NBEA: variants seen among roughly 807,000 people sequenced by gnomAD.
The protein encoded by NBEA is neurobeachin, also known as lysosomal-trafficking regulator 2.
Under a neutral mutation model 343.4 loss-of-function variants are expected in NBEA, and 44 were observed. The ratio of observed to expected loss-of-function variants is 0.13; its 90% CI spans 0.10 to 0.16. The LOEUF is 0.16. Ranked by LOEUF, NBEA falls within the 10% of genes least tolerant of loss-of-function variation. The pLI is 1.00. For missense variants in NBEA, 2,555 were observed against 3,631.3 expected (o/e 0.70, Z 7.62); for synonymous variants, 1,175 against 1,238.7 (o/e 0.95, Z 1.08).
At chr13:35,308,458 A>ATATATATATATATATG in intron 35 of NBEA, among the ~76,000 whole-genome samples, 1 of 118,440 alleles carries the variant, frequency 8.4e-6, no homozygotes, top group African/African-American at 4.1e-5. Flanking sequence ...ATATATATAT[A>ATATATATATATATATG]TATATATATA....
chr13:35,513,240 G>A (rs1268821913), intron 41 of NBEA, among the ~76,000 whole-genome samples: 4 of 148,068 alleles, frequency 2.7e-5, no homozygotes, highest in Non-Finnish European at 4.4e-5. Flanking sequence ...AGGTTCAAGC[G>A]ATTCTCCTGC....
chr13:34,945,068 G>T (rs1376006627), intron 1 of NBEA, among the ~76,000 whole-genome samples: 1 of 152,184 alleles, frequency 6.6e-6, no homozygotes, highest in African/African-American at 2.4e-5. Context: ...GTATGCAGAC[G>T]TTATTTTAGA....
chr13:35,328,000 T>G (rs1291064903), intron 36 of NBEA, among the ~76,000 whole-genome samples: 2 of 151,944 alleles, frequency 1.3e-5, no homozygotes, highest in Non-Finnish European at 2.9e-5. Context: ...AACATTTTAA[T>G]GCATGGTGAC....
intron 41 of NBEA, among the ~76,000 whole-genome samples, chr13:35,497,441 G>A (rs2076724786): frequency 6.6e-6 from 1 of 152,084 alleles, no homozygotes; most frequent in African/African-American, 2.4e-5. Flanking sequence ...GTAGCAGTAA[G>A]TTAGACTTTC....
chr13:35,553,210 A>G (rs1277020043), intron 43 of NBEA, among the ~76,000 whole-genome samples: 3 of 152,126 alleles, frequency 2.0e-5, no homozygotes, highest in African/African-American at 4.8e-5. Flanking sequence ...ATTCTTTATA[A>G]GAAAACTGAA....
At chr13:35,264,679 C>T (rs540603159) in intron 34 of NBEA, among the ~76,000 whole-genome samples, 5 of 151,968 alleles carry the variant, frequency 3.3e-5, no homozygotes, top group African/African-American at 1.2e-4. Context: ...GAAGAAAAAG[C>T]ATCTGACCAA....
intron 38 of NBEA, among the ~76,000 whole-genome samples, chr13:35,369,355 G>A (rs1039356304): frequency 1.1e-4 from 16 of 151,606 alleles, no homozygotes; most frequent in African/African-American, 3.6e-4. Context: ...TGTAGGATTT[G>A]CTTAATCTAT....
chr13:35,018,120 T>C (rs1382665648), intron 1 of NBEA, among the ~76,000 whole-genome samples: 2 of 152,196 alleles, frequency 1.3e-5, no homozygotes, highest in Admixed American at 6.5e-5. Flanking sequence ...TCTATTCTTA[T>C]GGTAATGACA....
intron 33 of NBEA, among the ~76,000 whole-genome samples, chr13:35,228,441 G>A (rs1269781578): frequency 1.3e-5 from 2 of 150,954 alleles, no homozygotes; most frequent in Non-Finnish European, 2.9e-5. Flanking sequence ...GATATATTGC[G>A]TAGTTGTGAA....
intron 17 of NBEA, among the ~76,000 whole-genome samples, chr13:35,138,459 CTTT>C (rs1230686366): frequency 2.2e-5 from 3 of 136,446 alleles, no homozygotes; most frequent in African/African-American, 2.7e-5. Flanking sequence ...AATTATGCTA[CTTT>C]TTTTTTTTTT....
intron 2 of NBEA, among the ~76,000 whole-genome samples, chr13:35,042,944 C>T (rs1238535670): frequency 6.6e-6 from 1 of 151,686 alleles, no homozygotes; most frequent in African/African-American, 2.4e-5. Context: ...AAAAGTGTCA[C>T]TAAAAGGTGG....
intron 52 of NBEA, among the ~76,000 whole-genome samples, chr13:35,650,876 A>G (rs1203414286): frequency 6.6e-6 from 1 of 152,130 alleles, no homozygotes; most frequent in African/African-American, 2.4e-5. Flanking sequence ...AGTAACCTGA[A>G]TCTTTCTATT....
intron 33 of NBEA, among the ~76,000 whole-genome samples, chr13:35,219,326 A>G (rs952181948): frequency 1.3e-5 from 2 of 152,138 alleles, no homozygotes; most frequent in African/African-American, 4.8e-5. Flanking sequence ...TTAAGTTGAA[A>G]GTTGTACATT....
At chr13:35,450,286 G>A (rs1175002090) in intron 39 of NBEA, among the ~76,000 whole-genome samples, 2 of 144,670 alleles carry the variant, frequency 1.4e-5, no homozygotes, top group African/African-American at 2.6e-5. Flanking sequence ...CCCAGCCTGA[G>A]AATATAGTAA....
chr13:35,006,678 T>C (rs2061329503), intron 1 of NBEA, among the ~76,000 whole-genome samples: 1 of 152,212 alleles, frequency 6.6e-6, no homozygotes, highest in African/African-American at 2.4e-5. Context: ...TCTGCAATTT[T>C]TAAATTTTTC....
In NBEA at chr13:35,209,205, A is replaced by G. The variant is rs114195158; in HGVS notation, c.5521+351A>G. Reference sequence around the variant, plus strand: ...AGTAAAATGTATCAAGAATATCAAGATGTACTAAAAATGTTAGTGACAGAA... The same window carrying G: ...AGTAAAATGTATCAAGAATATCAAGGTGTACTAAAAATGTTAGTGACAGAA... On this transcript the variant is annotated intron_variant, in intron 32 of 58. Coordinates refer to ENST00000379939, the MANE Select transcript of NBEA (RefSeq NM_001385012.1). Among the ~76,000 whole-genome samples, 521 of 152,284 alleles carry G rather than the reference A, an allele frequency of 3.4e-3. 2 individuals are homozygous for G. The highest frequency in any genetic ancestry group is 0.012 in the African/African-American group (480 of 41,570).
intron 45 of NBEA, among the ~76,000 whole-genome samples, chr13:35,579,348 A>G (rs183312898): frequency 6.6e-6 from 1 of 152,206 alleles, no homozygotes; most frequent in Admixed American, 6.5e-5. Context: ...CTGATGTCTC[A>G]TATAATACCA....
chr13:35,422,903 G>A (rs911960016), intron 38 of NBEA, among the ~76,000 whole-genome samples: 6 of 152,214 alleles, frequency 3.9e-5, no homozygotes, highest in African/African-American at 1.2e-4. Flanking sequence ...GGCCAGTGAT[G>A]ATGAGCATTT....
chr13:35,173,946 A>G (rs1267677527), intron 27 of NBEA, among the ~76,000 whole-genome samples: 1 of 152,172 alleles, frequency 6.6e-6, no homozygotes, highest in Non-Finnish European at 1.5e-5. Flanking sequence ...AGTCAACAAA[A>G]ACTCACTGAA....
Sources: allele counts gnomAD v4.1 joint callset (sites outside exome capture counted in the v4.1 genomes callset), GRCh38; gene constraint gnomAD v4.1.1; transcripts MANE v1.5; gene names NCBI Gene and HGNC (gene_info 2026-07-23, HGNC 2026-07-21).